Variants in ERBIN observed in about 807,000 individuals in gnomAD.
ERBIN encodes densin-180-like protein.
In ERBIN, 60 loss-of-function variants were observed where a neutral mutation model predicts 158.4. The observed-to-expected ratio is 0.38, with a 90% CI of 0.31 to 0.47. ERBIN has a LOEUF of 0.47. ERBIN is among the 20% of genes least tolerant of loss of function. ERBIN has a pLI of 0.99. For missense variants in ERBIN, 1,610 were observed against 1,648.0 expected, an observed-to-expected ratio of 0.98 and a Z score of 0.40; for synonymous variants, 594 against 557.2, an observed-to-expected ratio of 1.07 and a Z score of -0.93.
intron 1 of ERBIN, among the ~76,000 whole-genome samples, chr5:65,974,652 C>T (rs371772691): frequency 2.4e-4 from 37 of 152,306 alleles, no homozygotes; most frequent in African/African-American, 8.7e-4. Context: ...AGGTTCTTAC[C>T]TCAGCCATTG....
intron 1 of ERBIN, among the ~76,000 whole-genome samples, chr5:65,957,271 G>T (rs1246353605): frequency 6.6e-6 from 1 of 151,596 alleles, no homozygotes; most frequent in African/African-American, 2.4e-5. Context: ...CGCAGAGGGG[G>T]ATTTGGCAGG....
chr5:66,078,723 T>C lies in ERBIN; in HGVS notation c.*193T>C. 1 of 547,570 alleles carries C rather than the reference T, an allele frequency of 1.8e-6. No individual in the cohort carries two copies. Among genetic ancestry groups the C allele is most frequent in the South Asian group, 2.4e-5 (1 of 40,892 alleles). 33.9% of individuals were successfully genotyped at this position (547,570 alleles called of 1,614,324 possible). ...CTGTACAGAATATAAAGGAGACTGT[T>C]GAATTCATACCATATAAAACTTGTT... On this transcript the variant is annotated 3_prime_UTR_variant, in exon 26 of 26. Transcript: ENST00000284037.
chr5:66,069,913 T>C (rs1761373071), intron 21 of ERBIN, among the ~76,000 whole-genome samples: 1 of 152,218 alleles, frequency 6.6e-6, no homozygotes, highest in Non-Finnish European at 1.5e-5. Flanking sequence ...TCCTGGATTC[T>C]CTTGGCTCTG....
intron 1 of ERBIN, among the ~76,000 whole-genome samples, chr5:65,931,232 ATTTAC>A (rs1270408580): frequency 6.6e-6 from 1 of 152,236 alleles, no homozygotes; most frequent in Non-Finnish European, 1.5e-5. Flanking sequence ...TTCAGAGCCC[ATTTAC>A]TTATGTACAT....
intron 4 of ERBIN, among the ~76,000 whole-genome samples, chr5:66,002,084 GT>G (rs1411879758): frequency 6.6e-6 from 1 of 152,090 alleles, no homozygotes; most frequent in Non-Finnish European, 1.5e-5. Context: ...CTGTTCCTGT[GT>G]TAGTTTGCTG....
intron 1 of ERBIN, among the ~76,000 whole-genome samples, chr5:65,928,880 A>G (rs1328384072): frequency 6.6e-6 from 1 of 152,200 alleles, no homozygotes; most frequent in African/African-American, 2.4e-5. Context: ...CCGTTAAAAT[A>G]TTTTTAAATG....
intron 4 of ERBIN, among the ~76,000 whole-genome samples, chr5:65,997,602 T>C (rs1752571048): frequency 6.6e-6 from 1 of 152,190 alleles, no homozygotes; most frequent in Non-Finnish European, 1.5e-5. Flanking sequence ...AAATTTTAAA[T>C]GGTCTGACCA....
intron 1 of ERBIN, among the ~76,000 whole-genome samples, chr5:65,965,406 T>G (rs78566241): frequency 4.6e-4 from 8 of 17,488 alleles, no homozygotes; most frequent in East Asian, 2.1e-3. Context: ...TTTTTTTTTT[T>G]TTTTTTTTTT....
chr5:65,935,293 G>A (rs554899445), intron 1 of ERBIN, among the ~76,000 whole-genome samples: 36 of 152,274 alleles, frequency 2.4e-4, no homozygotes, highest in Admixed American at 7.8e-4. Flanking sequence ...AAATCGAGGA[G>A]CATCTGCATA....
chr5:66,005,193 C>T (rs1753459377), intron 4 of ERBIN, among the ~76,000 whole-genome samples: 1 of 152,020 alleles, frequency 6.6e-6, no homozygotes, highest in Non-Finnish European at 1.5e-5. Flanking sequence ...ATGAGGACAG[C>T]CCCTGGATAT....
intron 1 of ERBIN, among the ~76,000 whole-genome samples, chr5:65,932,423 G>C (rs251614): frequency 0.7 from 106,558 of 151,908 alleles, 39,626 homozygotes; most frequent in Non-Finnish European, 0.84. Flanking sequence ...TTCTTGTAAA[G>C]GTGTTAGCTG....
intron 21 of ERBIN, among the ~76,000 whole-genome samples, chr5:66,071,601 C>T (rs373426059): frequency 6.6e-6 from 1 of 152,050 alleles, no homozygotes; most frequent in African/African-American, 2.4e-5. Context: ...CATTTCACAC[C>T]CCAATCTTAT....
At chr5:66,010,487 C>G (rs1487100528) in intron 4 of ERBIN, among the ~76,000 whole-genome samples, 1 of 152,090 alleles carries the variant, frequency 6.6e-6, no homozygotes, top group East Asian at 1.9e-4. Context: ...TTTTGAGTCT[C>G]TATTAATACC....
intron 18 of ERBIN, among the ~76,000 whole-genome samples, chr5:66,048,113 G>T (rs115040914): frequency 6.6e-6 from 1 of 151,572 alleles, no homozygotes; most frequent in Non-Finnish European, 1.5e-5. Context: ...TGAAAGAATG[G>T]CATTTGGAAC....
In ERBIN at chr5:66,054,326, C is replaced by T; in HGVS notation, c.3008C>T (p.Ala1003Val). ...AAACAAAATCCCCAAATAGACCATG[C>T]CAGTTTTCCTCCTCAGCTCCTTCCT... ...HSKQNPQIDH[A>V]SFPPQLLPRS... Residue 1003 changes from alanine to valine, a missense_variant, in exon 21 of 26, where the codon GCC becomes GTC. Physicochemically the swap from Ala to Val is moderately conservative, Grantham distance 64. Coordinates refer to ENST00000284037, the MANE Select transcript of ERBIN (RefSeq NM_001253697.2). 1 of 1,614,140 alleles carries T rather than the reference C, an allele frequency of 6.2e-7. No individual in the cohort carries two copies. The highest frequency in any genetic ancestry group is 1.3e-5 in the African/African-American group (1 of 75,026).
At chr5:66,069,720 C>T (rs1029216697) in intron 21 of ERBIN, among the ~76,000 whole-genome samples, 3 of 152,088 alleles carry the variant, frequency 2.0e-5, no homozygotes, top group African/African-American at 7.2e-5. Context: ...TATTTCCTTC[C>T]GCCCCTCTCC....
chr5:66,048,727 A>G lies in ERBIN; in HGVS notation c.1849A>G (p.Ile617Val), dbSNP rs1185155084. The change falls in exon 19 of 26, where the codon ATT (isoleucine) becomes GTT (valine). Residue 617 changes from isoleucine (I) to valine (V), a missense_variant. Ile to Val is a conservative substitution (Grantham distance 29). Transcript: ENST00000284037. ...MKMAEMRPPL[I>V]ETSINQPKVV... is the part of the protein sequence containing the mutation. ...AATGGCGGAGATGCGACCACCATTA[A>G]TTGAAACCTCTATTAACCAGCCAAA... is the stretch of plus-strand genomic sequence containing the variant. 3 of 1,609,048 alleles carry G rather than the reference A, an allele frequency of 1.9e-6. No homozygotes were observed. The highest frequency in any genetic ancestry group is 2.5e-6 in the Non-Finnish European group (3 of 1,177,608).
At chr5:66,074,594 T>C (rs1761818590) in intron 22 of ERBIN, among the ~76,000 whole-genome samples, 2 of 152,210 alleles carry the variant, frequency 1.3e-5, no homozygotes, top group Non-Finnish European at 2.9e-5. Context: ...CAAATGTACC[T>C]TTTGTGTATG....
chr5:66,034,758 C>T (rs1217489412), intron 14 of ERBIN, among the ~76,000 whole-genome samples: 1 of 152,206 alleles, frequency 6.6e-6, no homozygotes, highest in East Asian at 1.9e-4. Flanking sequence ...TGTGGTGATA[C>T]TAATTTGCTC....
Sources: allele counts gnomAD v4.1 joint callset (sites outside exome capture counted in the v4.1 genomes callset), GRCh38; gene constraint gnomAD v4.1.1; transcripts MANE v1.5; gene names NCBI Gene and HGNC (gene_info 2026-07-23, HGNC 2026-07-21).